RUBCN: variants seen among roughly 807,000 people sequenced by gnomAD.
The protein encoded by RUBCN is rubicon autophagy regulator.
In RUBCN, 74 loss-of-function variants were observed where a neutral mutation model predicts 113.2. The observed-to-expected ratio is 0.65, with a 90% confidence interval of 0.54 to 0.79. The LOEUF (loss-of-function observed/expected upper bound fraction) is 0.79. Ranked by LOEUF, RUBCN falls within the 30% of genes least tolerant of loss-of-function variation. The probability of loss-of-function intolerance (pLI) is 0.00; values close to 1 mark genes in which losing one functional copy is unlikely to be tolerated. For missense variants in RUBCN, 1,109 were observed against 1,251.7 expected (o/e 0.89, Z 1.72); for synonymous variants, 480 against 490.0 (o/e 0.98, Z 0.27).
At chr3:197,690,255 T>C (rs528007776) in intron 11 of RUBCN, among the ~76,000 whole-genome samples, 2 of 152,112 alleles carry the variant, frequency 1.3e-5, no homozygotes, top group Admixed American at 6.6e-5. Flanking sequence ...CTGGCCAACA[T>C]GGTGAAACCC....
rs758752351 is a variant in RUBCN at position 197,700,674 on chromosome 3, C to A, written c.1200G>T (p.Gly400=). 6.2e-7 allele frequency: 1 copy of A among 1,614,074 alleles called. No homozygotes were observed. The highest frequency in any genetic ancestry group is 8.5e-7 in the Non-Finnish European group (1 of 1,179,994). The part of the protein sequence containing the change: ...SEGQTLTVTS[G]AKKSHIRSHS... ...GGGAGCGAATGTGGCTTTTCTTTGC[C>A]CCACTGGTGACAGTGAGTGTCTGCC... The change falls in exon 7 of 20, where the codon GGG becomes GGT. Residue 400 remains glycine (G), a synonymous_variant. Transcript: ENST00000296343.
At chr3:197,702,900 C>A (rs1723842295) in intron 5 of RUBCN, among the ~76,000 whole-genome samples, 1 of 152,112 alleles carries the variant, frequency 6.6e-6, no homozygotes, top group Non-Finnish European at 1.5e-5. Context: ...TATGCCAGGT[C>A]TGACACTAAA....
At chr3:197,690,599 G>A (rs1722318931) in intron 11 of RUBCN, among the ~76,000 whole-genome samples, 1 of 152,180 alleles carries the variant, frequency 6.6e-6, no homozygotes, top group Admixed American at 6.5e-5. Flanking sequence ...AATCCTACTT[G>A]TACACAAAGT....
At chr3:197,741,830 CAAAA>C (rs553278631), upstream of RUBCN, among the ~76,000 whole-genome samples, 39 of 135,782 alleles carry the variant, frequency 2.9e-4, 2 homozygotes, top group East Asian at 8.4e-3. Context: ...GACTCCATCT[CAAAA>C]AAAAAAAACC....
At position 197,674,771 on chromosome 3, in the gene RUBCN, A is replaced by T; in HGVS notation, c.*247T>A. On this transcript the variant is annotated 3_prime_UTR_variant, in exon 20 of 20. Coordinates refer to ENST00000296343, the MANE Select transcript of RUBCN (RefSeq NM_014687.4). ...CTAGAAGCTTCACTGAAGGACCCGC[A>T]TGTCAGTTCTGATGGAAACACCTGG... 2 of 521,910 alleles carry T rather than the reference A, an allele frequency of 3.8e-6. No individual in the cohort carries two copies. The highest frequency in any genetic ancestry group is 3.4e-6 in the Non-Finnish European group (1 of 297,140). 32.3% of individuals were successfully genotyped at this position (521,910 alleles called of 1,614,324 possible).
chr3:197,707,808 T>C (rs1304211272), intron 2 of RUBCN, among the ~76,000 whole-genome samples: 3 of 127,138 alleles, frequency 2.4e-5, no homozygotes, highest in African/African-American at 6.1e-5. Flanking sequence ...CTACTAAAGA[T>C]ACAAAAATTA....
intron 2 of RUBCN, among the ~76,000 whole-genome samples, chr3:197,716,205 G>A (rs555548494): frequency 4.1e-4 from 63 of 152,304 alleles, no homozygotes; most frequent in Non-Finnish European, 7.8e-4. Context: ...TCAGCTCACT[G>A]CAGCCTCCGC....
chr3:197,695,767 TA>T lies in RUBCN; in HGVS notation c.1473+98del, dbSNP rs555362336. On this transcript the variant is annotated intron_variant, in intron 9 of 19. Coordinates refer to ENST00000296343, the MANE Select transcript of RUBCN (RefSeq NM_014687.4). ...CTTTACCGTGAACTTATCTTTACTGTAATCTATACCCAAAACCTCATCAGAA... is the reference window on the plus strand; with the variant it reads ...CTTTACCGTGAACTTATCTTTACTGTATCTATACCCAAAACCTCATCAGAA... 6.9e-5 allele frequency: 74 copies of T among 1,073,462 alleles called. No homozygotes were observed. In the African/African-American group the frequency reaches 7.9e-4, roughly 11 times the overall value. 66.5% of individuals were successfully genotyped at this position (1,073,462 alleles called of 1,614,324 possible).
intron 5 of RUBCN, among the ~76,000 whole-genome samples, chr3:197,703,269 G>A (rs886406927): frequency 1.3e-5 from 2 of 151,434 alleles, no homozygotes; most frequent in African/African-American, 2.4e-5. Context: ...GTGGTGGCGG[G>A]CGCCTGTAAT....
At chr3:197,709,349 G>A (rs967671270) in intron 2 of RUBCN, among the ~76,000 whole-genome samples, 1 of 151,784 alleles carries the variant, frequency 6.6e-6, no homozygotes, top group Non-Finnish European at 1.5e-5. Flanking sequence ...TAAGAATGAG[G>A]AACTACCCGC....
intron 4 of RUBCN, 110 bp from the exon 5 acceptor site, chr3:197,703,764 C>A: frequency 5.5e-6 from 4 of 732,024 alleles, no homozygotes; most frequent in Middle Eastern, 3.2e-4. Context: ...AGGGTGAAGG[C>A]AGATCAGAAA....
At chr3:197,717,203 G>A (rs1314073906) in intron 2 of RUBCN, among the ~76,000 whole-genome samples, 2 of 151,836 alleles carry the variant, frequency 1.3e-5, no homozygotes, top group Non-Finnish European at 2.9e-5. Context: ...GGGAGGCCAA[G>A]GTGGGCAGAT....
rs768889968 is a variant in RUBCN, at chr3:197,704,566, G to T, written c.439C>A (p.Gln147Lys). 11 of 1,614,072 alleles carry T rather than the reference G, an allele frequency of 6.8e-6. No individual in the cohort carries two copies. Among genetic ancestry groups the T allele is most frequent in the Middle Eastern group, 1.6e-4 (1 of 6,082 alleles). Residue 147 changes from glutamine (Q) to lysine (K), a missense_variant, in exon 4 of 20, where the codon CAG becomes AAG. By Grantham distance (53) the Gln-to-Lys change is moderately conservative. Transcript: ENST00000296343. The part of the protein sequence containing the change: ...AQLRPLLGDR[Q>K]YIRKFYTDAA... Reference sequence around the variant, plus strand: ...CCTGTGTAGAATTTTCTGATATACTGTCTATCCCCGAGCAGGGGCCGGAGC... The same window carrying T: ...CCTGTGTAGAATTTTCTGATATACTTTCTATCCCCGAGCAGGGGCCGGAGC...
chr3:197,742,542 G>A (rs564405347), intron 1 of RUBCN, among the ~76,000 whole-genome samples: 4 of 152,276 alleles, frequency 2.6e-5, no homozygotes, highest in South Asian at 4.1e-4. Context: ...CATAGTTGAC[G>A]AATGTTCGTT....
chr3:197,746,468 C>T (rs1037788918), intron 1 of RUBCN, among the ~76,000 whole-genome samples: 1 of 152,152 alleles, frequency 6.6e-6, no homozygotes, highest in Non-Finnish European at 1.5e-5. Context: ...TGCCATATAG[C>T]CATGTCCCTC....
intron 5 of RUBCN, 47 bp downstream of exon 5, chr3:197,703,501 G>C: frequency 7.7e-7 from 1 of 1,297,838 alleles, no homozygotes; most frequent in East Asian, 2.4e-5. Context: ...ATCCTGCTGA[G>C]CTCCAGGGAC....
intron 1 of RUBCN, among the ~76,000 whole-genome samples, chr3:197,727,108 T>G (rs1246836474): frequency 6.6e-6 from 1 of 151,838 alleles, no homozygotes; most frequent in Non-Finnish European, 1.5e-5. Context: ...CCCAGCTAAT[T>G]TTTGTATTTT....
chr3:197,675,600 G>A lies in RUBCN; in HGVS notation c.2647-85C>T. 9.8e-7 allele frequency: 1 copy of A among 1,017,430 alleles called. No individual in the cohort carries two copies. Among genetic ancestry groups the A allele is most frequent in the Non-Finnish European group, 1.5e-6 (1 of 645,904 alleles). 63.0% of individuals were successfully genotyped at this position (1,017,430 alleles called of 1,614,324 possible). On this transcript the variant is annotated intron_variant, in intron 18 of 19. Transcript: ENST00000296343. This position sits in a 1 kb window ranked among gnomAD's most constrained non-coding sequence, Gnocchi z 4.4. Reference sequence around the variant, plus strand: ...AGGGTGAACACCGAGGAGGGGAGTGGTCTACAGGGTTCTGCTGCCCACAGG... The same window carrying A: ...AGGGTGAACACCGAGGAGGGGAGTGATCTACAGGGTTCTGCTGCCCACAGG...
chr3:197,701,913 G>A (rs1314003719), intron 5 of RUBCN, 49 bp from the exon 6 acceptor site: 9 of 1,583,940 alleles, frequency 5.7e-6, no homozygotes, highest in Non-Finnish European at 7.8e-6. Context: ...AAGGACAAAG[G>A]GCCTCAGAGT....
Sources: allele counts gnomAD v4.1 joint callset (sites outside exome capture counted in the v4.1 genomes callset), GRCh38; gene constraint gnomAD v4.1.1; non-coding constraint Gnocchi (gnomAD v3.1); transcripts MANE v1.5; gene names NCBI Gene and HGNC (gene_info 2026-07-23, HGNC 2026-07-21).